SOS2: variants seen among roughly 807,000 people sequenced by gnomAD.
SOS2 encodes the protein SOS Ras/Rho guanine nucleotide exchange factor 2, also known as son of sevenless homolog 2.
SOS2 carries 65 observed loss-of-function variants against 148.2 expected under a neutral mutation model. That is an observed-to-expected ratio of 0.44 (90% CI 0.36 to 0.54). The LOEUF (loss-of-function observed/expected upper bound fraction) is 0.54, where lower values mean the gene tolerates loss of function less well. SOS2 is among the 20% of genes least tolerant of loss of function. SOS2 has a pLI of 0.00. For missense variants in SOS2, 1,341 were observed against 1,590.2 expected, an observed-to-expected ratio of 0.84 and a Z score of 2.67; for synonymous variants, 539 against 537.1, an observed-to-expected ratio of 1.00 and a Z score of -0.05.
In SOS2 at chr14:50,204,381, G is replaced by C; in HGVS notation, c.116C>G (p.Ser39Ter). 6.3e-7 allele frequency: 1 copy of C among 1,579,864 alleles called. No individual in the cohort carries two copies. Among genetic ancestry groups the C allele is most frequent in the Non-Finnish European group, 8.7e-7 (1 of 1,155,192 alleles). ...KVQEQVHPTLSANEESLYYIE... is the reference protein window; with the variant it reads ...KVQEQVHPTL ...ATAATAGAGAGACTCTTCATTAGCTGAGAGAGTGGGATGCACTTGTTCCTG... is the reference window on the plus strand; with the variant it reads ...ATAATAGAGAGACTCTTCATTAGCTCAGAGAGTGGGATGCACTTGTTCCTG... Residue 39 changes from serine (S) to a stop codon, truncating the protein, a stop_gained, in exon 2 of 23, where the codon TCA (serine) becomes TGA (stop). Transcript: ENST00000216373. LOFTEE classifies it high-confidence loss of function.
At chr14:50,165,372 T>C (rs1200911626) in intron 8 of SOS2, among the ~76,000 whole-genome samples, 2 of 152,194 alleles carry the variant, frequency 1.3e-5, no homozygotes, top group Admixed American at 6.5e-5. Context: ...TAAGCATTTG[T>C]CTTTCATGAC....
At chr14:50,178,931 CGCCAGGCTG>C (rs1414277453) in intron 7 of SOS2, among the ~76,000 whole-genome samples, 1 of 151,876 alleles carries the variant, frequency 6.6e-6, no homozygotes, top group African/African-American at 2.4e-5. Context: ...GACAGGGTTT[CGCCAGGCTG>C]GCAAGGCTGG....
chr14:50,155,764 A>G (rs1162815781), intron 12 of SOS2: 1 of 152,114 alleles, frequency 6.6e-6, no homozygotes, highest in Admixed American at 6.6e-5. Flanking sequence ...ATACATAAAG[A>G]GCTTATATGA....
At chr14:50,220,036 G>A (rs1887153508) in intron 1 of SOS2, among the ~76,000 whole-genome samples, 1 of 150,730 alleles carries the variant, frequency 6.6e-6, no homozygotes, top group Non-Finnish European at 1.5e-5. Context: ...CTTGTTTTCG[G>A]TCTCCTCCTC....
In SOS2 at chr14:50,145,600, T is replaced by C. The variant is rs774149481; in HGVS notation, c.2385-4A>G. On this transcript the variant is annotated splice_polypyrimidine_tract_variant and splice_region_variant and intron_variant, in intron 14 of 22. Transcript: ENST00000216373. ...AAGTTCAGACGGTTGAACTTTCCTATGGAATTGAAAATCAGTGCAACTTAA... is the reference window on the plus strand; with the variant it reads ...AAGTTCAGACGGTTGAACTTTCCTACGGAATTGAAAATCAGTGCAACTTAA... 8.9e-6 allele frequency: 14 copies of C among 1,576,076 alleles called. No individual in the cohort carries two copies. The highest frequency in any genetic ancestry group is 2.2e-5 in the East Asian group (1 of 44,582).
At chr14:50,130,899 A>G in intron 19 of SOS2, 137 bp from the exon 20 acceptor site, 1 of 644,038 alleles carries the variant, frequency 1.6e-6, no homozygotes, top group Admixed American at 3.3e-5. Flanking sequence ...GTCTGCAATG[A>G]CAGCCTGTAT....
At chr14:50,187,075 G>A (rs1342668151) in intron 5 of SOS2, among the ~76,000 whole-genome samples, 1 of 152,046 alleles carries the variant, frequency 6.6e-6, no homozygotes, top group Non-Finnish European at 1.5e-5. Flanking sequence ...GCAGTGGCAC[G>A]ATCATGGCTC....
chr14:50,199,752 A>G lies in SOS2; in HGVS notation c.449T>C (p.Phe150Ser), dbSNP rs1886424881. The change falls in exon 4 of 23, where the codon TTT (phenylalanine) becomes TCT (serine). Residue 150 changes from phenylalanine to serine, a missense_variant. Physicochemically the swap from Phe to Ser is radical, Grantham distance 155. This residue lies in a region of SOS2 where 574 missense variants were observed against 711.1 expected (regional missense o/e 0.81). Transcript: ENST00000216373. ...DILKLAGNYV[F>S]NIRHYEISQQ... is the part of the protein sequence containing the mutation. The stretch of plus-strand genomic sequence containing the variant: ...AGATATTTCATAATGCCGGATATTA[A>G]AAACATAATTACCAGCCAATTTTAA... The G allele has an allele frequency of 1.2e-6, 2 of 1,609,456 alleles. No homozygotes were observed. The highest frequency in any genetic ancestry group is 1.7e-4 in the Middle Eastern group (1 of 6,046).
intron 1 of SOS2, among the ~76,000 whole-genome samples, chr14:50,209,790 A>G (rs1159887613): frequency 6.6e-6 from 1 of 152,110 alleles, no homozygotes; most frequent in Non-Finnish European, 1.5e-5. Flanking sequence ...TTACAGTAGA[A>G]TTTAAAATAC....
chr14:50,118,596 GAGCC>G lies in SOS2; in HGVS notation c.3743_3746del (p.Trp1248SerfsTer77), dbSNP rs1169588953. The G allele has an allele frequency of 6.2e-7, 1 of 1,614,040 alleles. No homozygotes were observed. Among genetic ancestry groups the G allele is most frequent in the African/African-American group, 1.3e-5 (1 of 74,900 alleles). On this transcript the variant is annotated frameshift_variant, in exon 23 of 23. Transcript: ENST00000216373. LOFTEE classifies it high-confidence loss of function. ...AATTTGGACACGTACTAATGTCTCT[GAGCC>G]AGTCTGAATCTCTGTGAAGATGCCC...
chr14:50,218,067 G>C (rs562986453), intron 1 of SOS2, among the ~76,000 whole-genome samples: 62 of 151,612 alleles, frequency 4.1e-4, no homozygotes, highest in African/African-American at 1.4e-3. Flanking sequence ...GGAGGCTGAG[G>C]CAGGATGATC....
chr14:50,217,653 T>G (rs948070731), intron 1 of SOS2, among the ~76,000 whole-genome samples: 37 of 152,084 alleles, frequency 2.4e-4, no homozygotes, highest in Non-Finnish European at 1.2e-4. Context: ...AAAAAACAAA[T>G]TGATAAAAAT....
intron 7 of SOS2, among the ~76,000 whole-genome samples, chr14:50,178,927 G>C (rs993221783): frequency 2.0e-5 from 3 of 151,806 alleles, no homozygotes; most frequent in African/African-American, 7.3e-5. Context: ...TAGAGACAGG[G>C]TTTCGCCAGG....
chr14:50,167,442 G>A (rs535549700), intron 8 of SOS2, among the ~76,000 whole-genome samples: 14 of 152,232 alleles, frequency 9.2e-5, no homozygotes, highest in African/African-American at 3.4e-4. Context: ...AGCTGAGATG[G>A]GAGGATTGAT....
At chr14:50,121,905 T>C (rs1365780205) in intron 21 of SOS2, among the ~76,000 whole-genome samples, 1 of 152,146 alleles carries the variant, frequency 6.6e-6, no homozygotes, top group Admixed American at 6.5e-5. Context: ...ATCTGTCCCA[T>C]TTGGTTTAGT....
chr14:50,157,771 A>G (rs1422182268), intron 11 of SOS2, among the ~76,000 whole-genome samples: 1 of 152,158 alleles, frequency 6.6e-6, no homozygotes, highest in South Asian at 2.1e-4. Context: ...TGGTATAATA[A>G]TAAGTTTTAG....
intron 1 of SOS2, among the ~76,000 whole-genome samples, chr14:50,217,398 C>T (rs1023747109): frequency 6.6e-6 from 1 of 151,920 alleles, no homozygotes; most frequent in Non-Finnish European, 1.5e-5. Context: ...AAAATTTAAA[C>T]TATAAAATTT....
At chr14:50,145,116 T>A (rs1884427908) in intron 16 of SOS2, 54 bp downstream of exon 16, 1 of 1,013,256 alleles carries the variant, frequency 9.9e-7, no homozygotes, top group African/African-American at 1.7e-5. Flanking sequence ...AAATTTCTTT[T>A]ATGCTAATTT....
At chr14:50,174,577 T>A (rs771399024) in intron 7 of SOS2, 25 bp from the exon 8 acceptor site, 16 of 1,399,226 alleles carry the variant, frequency 1.1e-5, no homozygotes, top group Non-Finnish European at 1.4e-5. Context: ...GATATCACAG[T>A]ATGTATGTCT....
Sources: allele counts gnomAD v4.1 joint callset (sites outside exome capture counted in the v4.1 genomes callset), GRCh38; gene constraint gnomAD v4.1.1; regional missense constraint gnomAD v4.1.1; transcripts MANE v1.5; gene names NCBI Gene and HGNC (gene_info 2026-07-23, HGNC 2026-07-21).